The following ADGRB3 variants were observed in gnomAD, a reference collection of about 807,000 sequenced individuals.
ADGRB3 encodes the protein brain-specific angiogenesis inhibitor 3.
Under a neutral mutation model 193.4 loss-of-function variants are expected in ADGRB3, and 37 were observed. That is an observed-to-expected ratio of 0.19 (90% CI 0.15 to 0.25). The LOEUF (loss-of-function observed/expected upper bound fraction) is 0.25, where lower values mean the gene tolerates loss of function less well. Ranked by LOEUF, ADGRB3 falls within the 10% of genes least tolerant of loss-of-function variation. The pLI, the probability that ADGRB3 is intolerant of heterozygous loss-of-function variation, is 1.00. For synonymous variants in ADGRB3, 690 were observed against 644.2 expected (o/e 1.07, Z -1.08); for missense variants, 1,637 against 1,852.9 (o/e 0.88, Z 2.14).
intron 3 of ADGRB3, among the ~76,000 whole-genome samples, chr6:68,822,130 T>G (rs887615879): frequency 6.6e-6 from 1 of 151,868 alleles, no homozygotes; most frequent in Non-Finnish European, 1.5e-5. Context: ...TAGATATGTA[T>G]GTGCCTATGA....
chr6:69,333,148 A>G, intron 24 of ADGRB3, 140 bp downstream of exon 24: 1 of 943,682 alleles, frequency 1.1e-6, no homozygotes. Flanking sequence ...TCTGCTATAT[A>G]AAAGTTTCCA....
intron 3 of ADGRB3, among the ~76,000 whole-genome samples, chr6:68,683,764 C>T (rs536615451): frequency 2.6e-5 from 4 of 152,056 alleles, no homozygotes; most frequent in Admixed American, 1.3e-4. Context: ...TTATAAATAC[C>T]TGCTAATAGT....
chr6:68,653,160 GC>G (rs2127282005), intron 3 of ADGRB3, among the ~76,000 whole-genome samples: 1 of 152,220 alleles, frequency 6.6e-6, no homozygotes, highest in Non-Finnish European at 1.5e-5. Context: ...AAGAGAAGGG[GC>G]TCCTCTCTCA....
intron 22 of ADGRB3, 92 bp downstream of exon 22, chr6:69,327,981 T>C (rs1387355516): frequency 2.7e-6 from 3 of 1,103,108 alleles, no homozygotes; most frequent in African/African-American, 3.2e-5. Context: ...CAGTTTATCA[T>C]GGAATCATTA....
chr6:69,106,476 C>T (rs1452847563), intron 17 of ADGRB3, among the ~76,000 whole-genome samples: 10 of 152,118 alleles, frequency 6.6e-5, no homozygotes, highest in Non-Finnish European at 1.2e-4. Flanking sequence ...AAAATGCATT[C>T]GTGTACCCTC....
At chr6:69,166,890 T>C (rs1775143538) in intron 17 of ADGRB3, among the ~76,000 whole-genome samples, 1 of 152,164 alleles carries the variant, frequency 6.6e-6, no homozygotes. Context: ...CTTTCTCTTT[T>C]CTATCAATGC....
At chr6:68,700,415 CGGTT>C in intron 3 of ADGRB3, among the ~76,000 whole-genome samples, 1 of 151,672 alleles carries the variant, frequency 6.6e-6, no homozygotes, top group Non-Finnish European at 1.5e-5. Context: ...AATCTATAAA[CGGTT>C]GGAATCAATT....
chr6:68,667,146 T>C (rs1049310904), intron 3 of ADGRB3, among the ~76,000 whole-genome samples: 1 of 151,900 alleles, frequency 6.6e-6, no homozygotes, highest in Admixed American at 6.6e-5. Flanking sequence ...AATGTAACTT[T>C]TATAAAATAT....
At chr6:68,916,172 A>C (rs1333702097) in intron 3 of ADGRB3, among the ~76,000 whole-genome samples, 1 of 152,174 alleles carries the variant, frequency 6.6e-6, no homozygotes, top group African/African-American at 2.4e-5. Flanking sequence ...AGAATGAATA[A>C]GTAAAAATAG....
intron 3 of ADGRB3, among the ~76,000 whole-genome samples, chr6:68,646,335 G>A (rs371661063): frequency 2.2e-4 from 33 of 151,914 alleles, no homozygotes; most frequent in African/African-American, 6.3e-4. Flanking sequence ...AAATTAGCCA[G>A]GCGTGGTGGG....
intron 11 of ADGRB3, among the ~76,000 whole-genome samples, chr6:68,998,489 A>G (rs1334100954): frequency 6.6e-6 from 1 of 152,244 alleles, no homozygotes; most frequent in Non-Finnish European, 1.5e-5. Context: ...CACATTACTA[A>G]ATCAACACCA....
intron 3 of ADGRB3, among the ~76,000 whole-genome samples, chr6:68,862,093 G>C (rs1445640438): frequency 1.3e-5 from 2 of 150,436 alleles, no homozygotes; most frequent in Non-Finnish European, 2.9e-5. Context: ...AACTCATCCT[G>C]TGGAAACTTT....
rs3799044 is a variant in ADGRB3 at position 69,136,725 on chromosome 6, T to G, written c.2480+60687T>G. On this transcript the variant is annotated intron_variant, in intron 17 of 31. Transcript: ENST00000370598. ...CATTTTAGTTCCTTTGCTTTGAAAC[T>G]TCTTTATTTCCTTTAGTAGCCATAG... 4.7e-4 allele frequency among the ~76,000 whole-genome samples: 71 copies of G among 152,246 alleles called. 2 individuals are homozygous for G. In the East Asian group the frequency reaches 0.013, roughly 28 times the overall value.
At chr6:68,766,108 A>G (rs1189813358) in intron 3 of ADGRB3, among the ~76,000 whole-genome samples, 2 of 152,018 alleles carry the variant, frequency 1.3e-5, no homozygotes, top group African/African-American at 4.8e-5. Flanking sequence ...TCCAAAAAGC[A>G]GTAAATTATT....
At chr6:68,952,580 A>G (rs1006241277) in intron 6 of ADGRB3, among the ~76,000 whole-genome samples, 2 of 152,176 alleles carry the variant, frequency 1.3e-5, no homozygotes, top group Non-Finnish European at 2.9e-5. Flanking sequence ...TTACACCAAC[A>G]TGGCACACAT....
intron 3 of ADGRB3, among the ~76,000 whole-genome samples, chr6:68,769,566 A>T (rs987143903): frequency 7.2e-5 from 11 of 152,110 alleles, no homozygotes; most frequent in Admixed American, 2.6e-4. Flanking sequence ...GAGGGATAAC[A>T]TTAGGAGAAA....
chr6:68,819,551 A>C (rs1375548337), intron 3 of ADGRB3, among the ~76,000 whole-genome samples: 1 of 151,948 alleles, frequency 6.6e-6, no homozygotes, highest in African/African-American at 2.4e-5. Flanking sequence ...TCAAATCTCT[A>C]TATGTAGGAC....
intron 23 of ADGRB3, chr6:69,332,569 G>T (rs867778105): frequency 2.3e-5 from 23 of 985,394 alleles, no homozygotes; most frequent in Non-Finnish European, 2.8e-5. Context: ...CATGGGCATA[G>T]GGTAAAACTG....
At chr6:69,004,061 T>C (rs1769668076) in intron 11 of ADGRB3, among the ~76,000 whole-genome samples, 1 of 152,224 alleles carries the variant, frequency 6.6e-6, no homozygotes, top group African/African-American at 2.4e-5. Context: ...CAAGAAAATA[T>C]TGAGATTTGC....
Sources: allele counts gnomAD v4.1 joint callset (sites outside exome capture counted in the v4.1 genomes callset), GRCh38; gene constraint gnomAD v4.1.1; transcripts MANE v1.5; gene names NCBI Gene and HGNC (gene_info 2026-07-23, HGNC 2026-07-21).